The following KANK1 variants were observed in gnomAD, a reference collection of about 807,000 sequenced individuals.
The protein encoded by KANK1 is KN motif and ankyrin repeat domains 1, also known as KN motif and ankyrin repeat domain-containing protein 1.
In KANK1, 109 loss-of-function variants were observed where a neutral mutation model predicts 106.2. The observed-to-expected ratio is 1.03, with a 90% confidence interval of 0.88 to 1.20. The LOEUF is 1.20. Ranked by LOEUF, KANK1 falls within the 50% of genes most tolerant of loss-of-function variation. The pLI is 0.00. For synonymous variants in KANK1, 873 were observed against 652.2 expected (o/e 1.34, Z -5.16); for missense variants, 2,399 against 1,710.7 (o/e 1.40, Z -7.10).
At chr9:583,298 G>C (rs1204833545) in intron 1 of KANK1, among the ~76,000 whole-genome samples, 1 of 152,142 alleles carries the variant, frequency 6.6e-6, no homozygotes, top group Non-Finnish European at 1.5e-5. Context: ...AAGAGGAATG[G>C]AAATGCCTGC....
chr9:491,518 C>T (rs1292394197), intron 3 of KANK1, among the ~76,000 whole-genome samples: 3 of 152,110 alleles, frequency 2.0e-5, no homozygotes, highest in Non-Finnish European at 4.4e-5. Context: ...CCACCCTCCT[C>T]GGCCCCCCAA....
chr9:674,228 T>C (rs1164972551), intron 1 of KANK1: 4 of 152,022 alleles, frequency 2.6e-5, no homozygotes, highest in Non-Finnish European at 5.9e-5. Flanking sequence ...ATCAGGGAGA[T>C]TGGAGCCATC....
intron 1 of KANK1, among the ~76,000 whole-genome samples, chr9:542,689 G>A (rs1037408121): frequency 1.3e-5 from 2 of 152,070 alleles, no homozygotes; most frequent in African/African-American, 4.8e-5. Context: ...AAGAAAATGT[G>A]GTATATGTGT....
intron 1 of KANK1, among the ~76,000 whole-genome samples, chr9:668,756 C>T (rs144995422): frequency 1.4e-3 from 211 of 152,230 alleles, no homozygotes; most frequent in African/African-American, 4.9e-3. Flanking sequence ...GTTTTGGCGC[C>T]AGGGACCAGT....
At chr9:736,113 A>T (rs4279657) in intron 7 of KANK1, among the ~76,000 whole-genome samples, 2 of 151,964 alleles carry the variant, frequency 1.3e-5, no homozygotes, top group African/African-American at 4.8e-5. Context: ...GTCCACCACA[A>T]CGCCCGGCTA....
chr9:573,389 C>T (rs1388826478), intron 1 of KANK1, among the ~76,000 whole-genome samples: 1 of 152,134 alleles, frequency 6.6e-6, no homozygotes, highest in Non-Finnish European at 1.5e-5. Flanking sequence ...CTTGCCTCAG[C>T]TTCCCGAGTA....
chr9:652,016 C>A (rs961193317), intron 1 of KANK1, among the ~76,000 whole-genome samples: 1 of 151,966 alleles, frequency 6.6e-6, no homozygotes, highest in African/African-American at 2.4e-5. Flanking sequence ...TTTCATTAGC[C>A]CTGCTATAAC....
intron 2 of KANK1, among the ~76,000 whole-genome samples, chr9:683,379 T>C (rs1347174979): frequency 6.6e-6 from 1 of 152,128 alleles, no homozygotes; most frequent in Non-Finnish European, 1.5e-5. Flanking sequence ...CATAAACACA[T>C]AGGTAGGAGC....
intron 3 of KANK1, among the ~76,000 whole-genome samples, chr9:719,600 T>A (rs572526864): frequency 0.031 from 4,704 of 152,300 alleles, 246 homozygotes; most frequent in African/African-American, 0.11. Flanking sequence ...CATTTTAATA[T>A]ATTTTTTTAA....
intron 2 of KANK1, among the ~76,000 whole-genome samples, chr9:705,591 AT>A (rs147757720): frequency 0.029 from 4,335 of 147,698 alleles, 294 homozygotes; most frequent in East Asian, 0.26. Context: ...AAAAATGTAT[AT>A]TTTTTTTGGG....
rs369372947 is a variant in KANK1 at position 579,569 on chromosome 9, A to G, written c.-84+74815A>G. Among the ~76,000 whole-genome samples the G allele has an allele frequency of 1.2e-4, 19 of 152,140 alleles. 1 individual carries two copies. Among genetic ancestry groups the G allele is most frequent in the African/African-American group, 3.4e-4 (14 of 41,474 alleles). On this transcript the variant is annotated intron_variant, in intron 1 of 11. Coordinates refer to ENST00000382297, the MANE Select transcript of KANK1 (RefSeq NM_015158.5). Reference sequence around the variant, plus strand: ...CCCGCCTGTCAGCTCCTCAGCCCCAATTTTAAAACCCTAGGGGAGAAGCAT... The same window carrying G: ...CCCGCCTGTCAGCTCCTCAGCCCCAGTTTTAAAACCCTAGGGGAGAAGCAT...
In KANK1 at chr9:713,298, C is replaced by G. The variant is rs921712165; in HGVS notation, c.2532C>G (p.Asn844Lys). The change falls in exon 3 of 12, where the codon AAC (asparagine) becomes AAG (lysine). Residue 844 changes from asparagine (N) to lysine (K), a missense_variant. Coordinates refer to ENST00000382297, the MANE Select transcript of KANK1 (RefSeq NM_015158.5). ...AACAGCAGACACTGCTGGCTGAGAA[C>G]TACAGTGAACTGGCAGAAGCTTTCG... is the stretch of plus-strand genomic sequence containing the variant. ...LAEQQTLLAE[N>K]YSELAEAFGE... 1.2e-6 allele frequency: 2 copies of G among 1,614,040 alleles called. No individual in the cohort carries two copies. Among genetic ancestry groups the G allele is most frequent in the African/African-American group, 2.7e-5 (2 of 74,948 alleles).
intron 1 of KANK1, among the ~76,000 whole-genome samples, chr9:565,505 A>G (rs898459482): frequency 6.6e-6 from 1 of 152,210 alleles, no homozygotes; most frequent in Non-Finnish European, 1.5e-5. Context: ...TGGAGTTATC[A>G]CTCAAATTAA....
chr9:486,729 C>A (rs983834307), intron 3 of KANK1, among the ~76,000 whole-genome samples: 8 of 152,098 alleles, frequency 5.3e-5, no homozygotes, highest in African/African-American at 1.9e-4. Context: ...ATATTTCCGT[C>A]ATTATAAAAA....
intron 3 of KANK1, among the ~76,000 whole-genome samples, chr9:475,263 C>A (rs2058084064): frequency 6.6e-6 from 1 of 152,198 alleles, no homozygotes; most frequent in South Asian, 2.1e-4. Context: ...CTGTACCATT[C>A]CAGCAAATAC....
intron 1 of KANK1, among the ~76,000 whole-genome samples, chr9:542,263 G>A (rs9408621): frequency 0.06 from 9,110 of 152,314 alleles, 311 homozygotes; most frequent in South Asian, 0.084. Flanking sequence ...ACTTTGGGAG[G>A]CCGAGGCAGG....
In KANK1 at chr9:671,623, A is replaced by AAAAAAAAAAAAAAAG. The variant is rs79437342; in HGVS notation, c.-83-5263_-83-5262insAAAAAAAAAAGAAAA. On this transcript the variant is annotated intron_variant, in intron 1 of 11. Coordinates refer to ENST00000382297, the MANE Select transcript of KANK1 (RefSeq NM_015158.5). The stretch of plus-strand genomic sequence containing the variant: ...AGAGCGAAACTCCGTCTCAAAAAAA[A>AAAAAAAAAAAAAAAG]AAAAGAGTGTACTGGTTAAGTACTG... Among the ~76,000 whole-genome samples, 9 of 103,626 alleles carry AAAAAAAAAAAAAAAG rather than the reference A, an allele frequency of 8.7e-5. 1 individual carries two copies. Among genetic ancestry groups the AAAAAAAAAAAAAAAG allele is most frequent in the South Asian group, 5.9e-4 (2 of 3,382 alleles). 68.0% of individuals were successfully genotyped at this position (103,626 alleles called of 152,430 possible).
At position 711,971 on chromosome 9, in the gene KANK1, C is replaced by T. The variant is rs1442108067; in HGVS notation, c.1205C>T (p.Ala402Val). The change falls in exon 3 of 12, where the codon GCT becomes GTT. Residue 402 changes from alanine to valine, a missense_variant. By Grantham distance (64) the Ala-to-Val change is moderately conservative. Coordinates refer to ENST00000382297, the MANE Select transcript of KANK1 (RefSeq NM_015158.5). Reference protein sequence around the residue: ...LRENGECRSVAVGAEENMNDI... With the variant: ...LRENGECRSVVVGAEENMNDI... ...GAGAATGGAGAGTGCCGGTCTGTGG[C>T]TGTGGGTGCCGAGGAGAACATGAAC... 6.2e-7 allele frequency: 1 copy of T among 1,614,184 alleles called. No individual in the cohort carries two copies. The highest frequency in any genetic ancestry group is 8.5e-7 in the Non-Finnish European group (1 of 1,180,040).
chr9:620,934 C>G (rs919983148), intron 1 of KANK1, among the ~76,000 whole-genome samples: 3 of 152,052 alleles, frequency 2.0e-5, no homozygotes, highest in African/African-American at 4.8e-5. Context: ...GATCAAATTC[C>G]AGATTGGAAA....
Sources: gnomAD v4.1 joint callset for allele counts (sites outside exome capture counted in the v4.1 genomes callset) on GRCh38, gnomAD v4.1.1 for gene constraint, MANE v1.5 for transcripts, NCBI Gene and HGNC (gene_info 2026-07-23, HGNC 2026-07-21) for gene names.